The following PKDCC variants were observed in gnomAD, a reference collection of about 807,000 sequenced individuals.
PKDCC encodes extracellular tyrosine-protein kinase PKDCC.
Under a neutral mutation model 44.7 loss-of-function variants are expected in PKDCC, and 35 were observed. The observed-to-expected ratio is 0.78, with a 90% CI of 0.60 to 1.04. The LOEUF (loss-of-function observed/expected upper bound fraction) is 1.04. PKDCC is among the 50% of genes least tolerant of loss of function. The pLI, the probability that PKDCC is intolerant of heterozygous loss-of-function variation, is 0.00. For missense variants in PKDCC, 738 were observed against 672.7 expected, an observed-to-expected ratio of 1.10 and a Z score of -1.07; for synonymous variants, 353 against 303.3, an observed-to-expected ratio of 1.16 and a Z score of -1.70.
At position 42,058,093 on chromosome 2, in the gene PKDCC, G is replaced by A. The variant is rs1356624282; in HGVS notation, c.*405G>A. ...TGCTGCTGCACATGCCACAGCAGGC[G>A]GTGGGGGCTGCGTGGGGACAATCCA... On this transcript the variant is annotated 3_prime_UTR_variant, in exon 7 of 7. Coordinates refer to ENST00000294964, the MANE Select transcript of PKDCC (RefSeq NM_138370.3). This position sits in a 1 kb window ranked among gnomAD's most constrained non-coding sequence, Gnocchi z 4.2. 2.0e-5 allele frequency: 4 copies of A among 198,570 alleles called. No homozygotes were observed. The highest frequency in any genetic ancestry group is 1.3e-4 in the East Asian group (1 of 7,506). 12.3% of individuals were successfully genotyped at this position (198,570 alleles called of 1,614,324 possible).
At chr2:42,056,113 C>T (rs1340005933) in intron 5 of PKDCC, among the ~76,000 whole-genome samples, 4 of 152,286 alleles carry the variant, frequency 2.6e-5, no homozygotes, top group East Asian at 1.9e-4. Context: ...ATGGCTGGCT[C>T]TGTCCCTGAG....
At position 42,051,357 on chromosome 2, in the gene PKDCC, C is replaced by T. The variant is rs1558431388; in HGVS notation, c.640-1882C>T. ...CCCCACCTCCCCCTCCCCCAGTCATCCTGGGGCCCCCAGGCCTTGGATGGG... is the reference window on the plus strand; with the variant it reads ...CCCCACCTCCCCCTCCCCCAGTCATTCTGGGGCCCCCAGGCCTTGGATGGG... On this transcript the variant is annotated intron_variant, in intron 1 of 6. Coordinates refer to ENST00000294964, the MANE Select transcript of PKDCC (RefSeq NM_138370.3). The surrounding 1 kb of genome is among the most constrained non-coding windows in gnomAD (Gnocchi z 4.2). Among the ~76,000 whole-genome samples the T allele has an allele frequency of 6.8e-6, 1 of 147,232 alleles. No homozygotes were observed. Among genetic ancestry groups the T allele is most frequent in the Admixed American group, 6.7e-5 (1 of 14,986 alleles).
intron 2 of PKDCC, 158 bp downstream of exon 2, chr2:42,053,519 A>C: frequency 2.0e-6 from 2 of 1,015,356 alleles, no homozygotes; most frequent in Non-Finnish European, 2.8e-6. Flanking sequence ...AAGGGTTCAA[A>C]AAAGAAGCAA....
At chr2:42,056,378 C>T (rs752883330) in intron 5 of PKDCC, among the ~76,000 whole-genome samples, 19 of 152,204 alleles carry the variant, frequency 1.2e-4, no homozygotes, top group Admixed American at 2.6e-4. Context: ...CTCCAGCCCC[C>T]TCCCCACTCT....
Position 42,054,939 on chromosome 2 carries a change from AG to A in PKDCC, c.1035del. On this transcript the variant is annotated splice_acceptor_variant, in intron 3 of 6. Coordinates refer to ENST00000294964, the MANE Select transcript of PKDCC (RefSeq NM_138370.3). LOFTEE classifies it high-confidence loss of function. This position sits in a 1 kb window ranked among gnomAD's most constrained non-coding sequence, Gnocchi z 6.1. ...TGAGCCACTGGTTTCCCTCTGCCAC[AG>A]GTTTTTCTTCACATACCTCCTGCCT... 1 of 1,613,374 alleles carries A rather than the reference AG, an allele frequency of 6.2e-7. No individual in the cohort carries two copies. The highest frequency in any genetic ancestry group is 1.1e-5 in the South Asian group (1 of 91,076).
In PKDCC at chr2:42,057,955, G is replaced by A. The variant is rs542198423; in HGVS notation, c.*267G>A. On this transcript the variant is annotated 3_prime_UTR_variant, in exon 7 of 7. Coordinates refer to ENST00000294964, the MANE Select transcript of PKDCC (RefSeq NM_138370.3). ...GCCTCTCCAACCCTGTGGGCTGTAA[G>A]CAAGCTCAGGCTAGTCTCCCCACTG... 3.5e-4 allele frequency: 171 copies of A among 490,824 alleles called. 1 individual carries two copies. In the Middle Eastern group the frequency reaches 6.0e-3, roughly 17 times the overall value. 30.4% of individuals were successfully genotyped at this position (490,824 alleles called of 1,614,324 possible).
rs2103922341 is a variant in PKDCC at position 42,048,573 on chromosome 2, G to T, written c.374G>T (p.Gly125Val). Residue 125 changes from glycine to valine, a missense_variant, in exon 1 of 7, where the codon GGC becomes GTC. Gly to Val is a moderately radical substitution (Grantham distance 109, BLOSUM62 -3). Coordinates refer to ENST00000294964, the MANE Select transcript of PKDCC (RefSeq NM_138370.3). The surrounding 1 kb of genome is among the most constrained non-coding windows in gnomAD (Gnocchi z 6.2). ...CCGGCTCCCGGCCCAGGCTCCCCCG[G>T]CCCGGGCCCGCGCCTGGGCTGCGCC... Reference protein sequence around the residue: ...WPPAPGPGSPGPGPRLGCAAL... With the variant: ...WPPAPGPGSPVPGPRLGCAAL... The T allele has an allele frequency of 7.3e-6, 10 of 1,377,060 alleles. No individual in the cohort carries two copies. The highest frequency in any genetic ancestry group is 9.4e-6 in the Non-Finnish European group (10 of 1,065,032). The allele number at this position is 1,377,060 out of a possible 1,614,324, so 85.3% of individuals were successfully genotyped here.
chr2:42,048,769 G>C lies in PKDCC; in HGVS notation c.570G>C (p.Arg190=). 1.3e-6 allele frequency: 2 copies of C among 1,561,660 alleles called. No homozygotes were observed. The highest frequency in any genetic ancestry group is 2.4e-5 in the East Asian group (1 of 42,526). The change falls in exon 1 of 7, where the codon CGG becomes CGC. Residue 190 remains arginine (R), a synonymous_variant. Coordinates refer to ENST00000294964, the MANE Select transcript of PKDCC (RefSeq NM_138370.3). This position sits in a 1 kb window ranked among gnomAD's most constrained non-coding sequence, Gnocchi z 6.2. ...REFGVRRGCY[R]LAAHKLLKEM... is the part of the protein sequence containing the mutation. ...TCGGGGTACGGAGGGGCTGCTATCG[G>C]CTGGCGGCCCACAAGCTGCTTAAGG...
In PKDCC at chr2:42,055,194, C is replaced by T; in HGVS notation, c.1115-92C>T. 1 of 1,346,680 alleles carries T rather than the reference C, an allele frequency of 7.4e-7. No homozygotes were observed. Among genetic ancestry groups the T allele is most frequent in the South Asian group, 1.3e-5 (1 of 77,286 alleles). 83.4% of individuals were successfully genotyped at this position (1,346,680 alleles called of 1,614,324 possible). On this transcript the variant is annotated intron_variant, in intron 4 of 6. Coordinates refer to ENST00000294964, the MANE Select transcript of PKDCC (RefSeq NM_138370.3). The surrounding 1 kb of genome is among the most constrained non-coding windows in gnomAD (Gnocchi z 4.5). ...CGCCCTCTGTTCACTGGGGCACAGG[C>T]TCTGGAGGCAGAGGTGGGAGCAGCT... is the stretch of plus-strand genomic sequence containing the variant.
intron 1 of PKDCC, among the ~76,000 whole-genome samples, chr2:42,049,040 C>A (rs1008760277): frequency 1.3e-5 from 2 of 152,144 alleles, no homozygotes; most frequent in Non-Finnish European, 1.5e-5. Context: ...CCGGAGAACT[C>A]CTGGGTTTCT....
In PKDCC at chr2:42,054,401, G is replaced by A; in HGVS notation, c.1034+94G>A. Reference sequence around the variant, plus strand: ...AGCCAACGTGGAGGCCAGCTGGGCAGGGAGACTCAGCCTTGACCAGAGCAA... The same window carrying A: ...AGCCAACGTGGAGGCCAGCTGGGCAAGGAGACTCAGCCTTGACCAGAGCAA... On this transcript the variant is annotated intron_variant, in intron 3 of 6. Transcript: ENST00000294964. This position sits in a 1 kb window ranked among gnomAD's most constrained non-coding sequence, Gnocchi z 6.1. 7.0e-7 allele frequency: 1 copy of A among 1,428,044 alleles called. No homozygotes were observed. Among genetic ancestry groups the A allele is most frequent in the Non-Finnish European group, 9.5e-7 (1 of 1,055,572 alleles). 88.5% of individuals were successfully genotyped at this position (1,428,044 alleles called of 1,614,324 possible). A position where few individuals can be genotyped will look rare whatever the true frequency, so the allele number is the denominator to read the frequency against.
rs1433696280 is a variant in PKDCC, at chr2:42,053,288, C to A, written c.689C>A (p.Thr230Asn). Residue 230 changes from threonine (T) to asparagine (N), a missense_variant, in exon 2 of 7, where the codon ACC (threonine) becomes AAC (asparagine). Thr to Asn is a moderately conservative substitution (Grantham distance 65). Coordinates refer to ENST00000294964, the MANE Select transcript of PKDCC (RefSeq NM_138370.3). ...AGCGAGGACATCCCAGACACCCTGA[C>A]CACCATCACGGAGCTGGGCGCCCCT... ...QDSEDIPDTL[T>N]TITELGAPVE... 2 of 1,613,122 alleles carry A rather than the reference C, an allele frequency of 1.2e-6. No individual in the cohort carries two copies. Among genetic ancestry groups the A allele is most frequent in the South Asian group, 2.2e-5 (2 of 91,046 alleles).
At position 42,054,834 on chromosome 2, in the gene PKDCC, G is replaced by T; in HGVS notation, c.1035-107G>T. 1.9e-6 allele frequency: 2 copies of T among 1,068,680 alleles called. No individual in the cohort carries two copies. The highest frequency in any genetic ancestry group is 1.3e-5 in the South Asian group (1 of 75,736). 66.2% of individuals were successfully genotyped at this position (1,068,680 alleles called of 1,614,324 possible). ...CGTTCTGCCTGGTTGCTAGGCCTGA[G>T]GGATCCGGCTCCCTGGCCAGGTTAG... On this transcript the variant is annotated intron_variant, in intron 3 of 6. Transcript: ENST00000294964. This position sits in a 1 kb window ranked among gnomAD's most constrained non-coding sequence, Gnocchi z 6.1.
Position 42,054,368 on chromosome 2 carries a change from A to C in PKDCC, c.1034+61A>C. ...GGAGAATGGGCCAGGAGGGCATGGC[A>C]GGAAGAGAGCCAACGTGGAGGCCAG... is the stretch of plus-strand genomic sequence containing the variant. On this transcript the variant is annotated intron_variant, in intron 3 of 6. Coordinates refer to ENST00000294964, the MANE Select transcript of PKDCC (RefSeq NM_138370.3). The surrounding 1 kb of genome is among the most constrained non-coding windows in gnomAD (Gnocchi z 6.1). The C allele has an allele frequency of 1.3e-6, 2 of 1,528,746 alleles. No homozygotes were observed. Among genetic ancestry groups the C allele is most frequent in the Non-Finnish European group, 1.8e-6 (2 of 1,133,452 alleles). The allele number at this position is 1,528,746 out of a possible 1,614,324, so 94.7% of individuals were successfully genotyped here. A position where few individuals can be genotyped will look rare whatever the true frequency, so the allele number is the denominator to read the frequency against.
chr2:42,057,937 C>T lies in PKDCC; in HGVS notation c.*249C>T. ...AATCATGGGGGTATGACTGCCTCTC[C>T]AACCCTGTGGGCTGTAAGCAAGCTC... On this transcript the variant is annotated 3_prime_UTR_variant, in exon 7 of 7. Coordinates refer to ENST00000294964, the MANE Select transcript of PKDCC (RefSeq NM_138370.3). 1 of 530,584 alleles carries T rather than the reference C, an allele frequency of 1.9e-6. No homozygotes were observed. The highest frequency in any genetic ancestry group is 3.4e-6 in the Non-Finnish European group (1 of 296,036). The allele number at this position is 530,584 out of a possible 1,614,324, so 32.9% of individuals were successfully genotyped here.
chr2:42,053,630 C>A, intron 2 of PKDCC: 1 of 529,294 alleles, frequency 1.9e-6, no homozygotes. Context: ...AAGAGGGGAG[C>A]ACTCACACAC....
In PKDCC at chr2:42,052,971, G is replaced by T. The variant is rs1275579065; in HGVS notation, c.640-268G>T. ...TATGCACGTAGAGCAATTTAGCATGGTACCTGGCACGTGGTTAACTCACAG... is the reference window on the plus strand; with the variant it reads ...TATGCACGTAGAGCAATTTAGCATGTTACCTGGCACGTGGTTAACTCACAG... On this transcript the variant is annotated intron_variant, in intron 1 of 6. Coordinates refer to ENST00000294964, the MANE Select transcript of PKDCC (RefSeq NM_138370.3). The surrounding 1 kb of genome is among the most constrained non-coding windows in gnomAD (Gnocchi z 4.3). 6.6e-6 allele frequency among the ~76,000 whole-genome samples: 1 copy of T among 152,160 alleles called. No individual in the cohort carries two copies. Among genetic ancestry groups the T allele is most frequent in the Admixed American group, 6.5e-5 (1 of 15,282 alleles).
chr2:42,053,306 G>A lies in PKDCC; in HGVS notation c.707G>A (p.Gly236Asp), dbSNP rs1451191702. 1 of 1,613,928 alleles carries A rather than the reference G, an allele frequency of 6.2e-7. No homozygotes were observed. Among genetic ancestry groups the A allele is most frequent in the Non-Finnish European group, 8.5e-7 (1 of 1,179,910 alleles). Reference protein sequence around the residue: ...PDTLTTITELGAPVEMIQLLQ... With the variant: ...PDTLTTITELDAPVEMIQLLQ... The stretch of plus-strand genomic sequence containing the variant: ...ACCCTGACCACCATCACGGAGCTGG[G>A]CGCCCCTGTAGAAATGATCCAGCTG... The change falls in exon 2 of 7, where the codon GGC (glycine) becomes GAC (aspartate). Residue 236 changes from glycine (G) to aspartate (D), a missense_variant. Physicochemically the swap from Gly to Asp is moderately conservative, Grantham distance 94. Transcript: ENST00000294964.
At chr2:42,050,104 C>T (rs949513789) in intron 1 of PKDCC, among the ~76,000 whole-genome samples, 1 of 152,198 alleles carries the variant, frequency 6.6e-6, no homozygotes, top group African/African-American at 2.4e-5. Flanking sequence ...GTCTCCCCCT[C>T]CCCCATCGTA....
Sources: gnomAD v4.1 joint callset for allele counts (sites outside exome capture counted in the v4.1 genomes callset) on GRCh38, gnomAD v4.1.1 for gene constraint, Gnocchi (gnomAD v3.1) non-coding constraint, MANE v1.5 for transcripts, NCBI Gene and HGNC (gene_info 2026-07-23, HGNC 2026-07-21) for gene names.